Variants in KLK1 observed in about 807,000 individuals in gnomAD.
The protein encoded by KLK1 is kallikrein-1.
Under a neutral mutation model 23.3 loss-of-function variants are expected in KLK1, and 22 were observed. The observed-to-expected ratio is 0.95, with a 90% confidence interval of 0.68 to 1.35. The LOEUF (loss-of-function observed/expected upper bound fraction) is 1.35, where lower values mean the gene tolerates loss of function less well. Ranked by LOEUF, KLK1 falls within the 40% of genes most tolerant of loss-of-function variation. The pLI is 0.00. For missense variants in KLK1, 301 were observed against 338.9 expected, an observed-to-expected ratio of 0.89 and a Z score of 0.88; for synonymous variants, 140 against 135.8, an observed-to-expected ratio of 1.03 and a Z score of -0.21.
chr19:50,823,774 C>G lies in KLK1; in HGVS notation c.-26G>C, dbSNP rs754867682. On this transcript the variant is annotated 5_prime_UTR_variant, in exon 1 of 5. Coordinates refer to ENST00000301420, the MANE Select transcript of KLK1 (RefSeq NM_002257.4). ...GGTGACAGAGGTGTCCAGGGGCCAGCAGGTGGAGGAACTGGGGAACCTCCC... is the reference window on the plus strand; with the variant it reads ...GGTGACAGAGGTGTCCAGGGGCCAGGAGGTGGAGGAACTGGGGAACCTCCC... 11 of 1,603,902 alleles carry G rather than the reference C, an allele frequency of 6.9e-6. No homozygotes were observed. Among genetic ancestry groups the G allele is most frequent in the East Asian group, 6.7e-5 (3 of 44,696 alleles).
intron 1 of KLK1, chr19:50,822,996 C>T (rs772612461): frequency 2.6e-5 from 19 of 730,574 alleles, no homozygotes; most frequent in Admixed American, 6.3e-5. Flanking sequence ...GGGCCTGGGG[C>T]GGGATGGAAC....
intron 1 of KLK1, among the ~76,000 whole-genome samples, chr19:50,823,388 C>G (rs1167591568): frequency 6.6e-6 from 1 of 151,960 alleles, no homozygotes; most frequent in African/African-American, 2.4e-5. Flanking sequence ...ACAGAGATGG[C>G]CCAGAATCTG....
chr19:50,819,477 C>T lies in KLK1; in HGVS notation c.634-128G>A, dbSNP rs1324871947. 5.5e-6 allele frequency: 5 copies of T among 909,334 alleles called. No homozygotes were observed. In the East Asian group the frequency reaches 1.3e-4, roughly 24 times the overall value. 56.3% of individuals were successfully genotyped at this position (909,334 alleles called of 1,614,324 possible). On this transcript the variant is annotated intron_variant, in intron 4 of 4. Transcript: ENST00000301420. ...AGAGGAAGGTGGGCAGGGATTCCCA[C>T]AGAGGGGACAGGGTCTCCAGTCCTG...
Position 50,823,760 on chromosome 19 carries a change from T to C in KLK1, c.-12A>G. Reference sequence around the variant, plus strand: ...ACCAGGAACCACATGGTGACAGAGGTGTCCAGGGGCCAGCAGGTGGAGGAA... The same window carrying C: ...ACCAGGAACCACATGGTGACAGAGGCGTCCAGGGGCCAGCAGGTGGAGGAA... On this transcript the variant is annotated 5_prime_UTR_variant, in exon 1 of 5. Transcript: ENST00000301420. 2.5e-6 allele frequency: 4 copies of C among 1,604,508 alleles called. No individual in the cohort carries two copies. Among genetic ancestry groups the C allele is most frequent in the Non-Finnish European group, 3.4e-6 (4 of 1,174,724 alleles).
intron 1 of KLK1, among the ~76,000 whole-genome samples, chr19:50,823,187 A>T (rs902772738): frequency 2.0e-5 from 3 of 151,990 alleles, no homozygotes; most frequent in African/African-American, 7.3e-5. Flanking sequence ...GACTGGGGAG[A>T]CCAGATGTCA....
chr19:50,822,036 T>C, intron 1 of KLK1, 165 bp from the exon 2 acceptor site: 3 of 1,404,100 alleles, frequency 2.1e-6, no homozygotes, highest in African/African-American at 1.4e-5. Flanking sequence ...GGTGGGACTC[T>C]GGACTGTTCC....
At position 50,823,715 on chromosome 19, in the gene KLK1, G is replaced by C; in HGVS notation, c.34C>G (p.Leu12Val). Residue 12 changes from leucine to valine, a missense_variant, in exon 1 of 5, where the codon CTG (leucine) becomes GTG (valine). Leu to Val is a conservative substitution (Grantham distance 32). Transcript: ENST00000301420. ...CCCACTGTCTCACCAGTCCCCCCCA[G>C]GGACAGGGCGAGGCACAGAACCAGG... ...WFLVLCLALS[L>V]GGTGAAPPIQ... 6.2e-7 allele frequency: 1 copy of C among 1,609,134 alleles called. No homozygotes were observed. The highest frequency in any genetic ancestry group is 8.5e-7 in the Non-Finnish European group (1 of 1,176,392).
intron 1 of KLK1, 69 bp downstream of exon 1, chr19:50,823,634 G>A (rs1056494627): frequency 9.2e-6 from 9 of 983,130 alleles, no homozygotes; most frequent in Middle Eastern, 2.2e-4. Context: ...AGGTCTTATC[G>A]GGGGGGGATG....
Position 50,821,599 on chromosome 19 carries a change from T to C in KLK1, c.206+113A>G. 2.9e-6 allele frequency: 4 copies of C among 1,383,078 alleles called. No individual in the cohort carries two copies. The highest frequency in any genetic ancestry group is 2.9e-5 in the Admixed American group (1 of 34,626). The allele number at this position is 1,383,078 out of a possible 1,614,324, so 85.7% of individuals were successfully genotyped here. A position where few individuals can be genotyped will look rare whatever the true frequency, so the allele number is the denominator to read the frequency against. On this transcript the variant is annotated intron_variant, in intron 2 of 4. Transcript: ENST00000301420. This position sits in a 1 kb window ranked among gnomAD's most constrained non-coding sequence, Gnocchi z 5.6. ...CAGGCGACCTGCGCCAGAGCCTTCC[T>C]CTCTGCCTCAGCCCCCCAGTCTTGC...
At chr19:50,819,690 G>A (rs541390684) in intron 4 of KLK1, among the ~76,000 whole-genome samples, 34 of 152,134 alleles carry the variant, frequency 2.2e-4, no homozygotes, top group Middle Eastern at 6.8e-3. Context: ...ACATTACCAC[G>A]AGGAACGGTG....
At chr19:50,820,935 G>A (rs1366370765) in intron 2 of KLK1, 1 of 151,326 alleles carries the variant, frequency 6.6e-6, no homozygotes, top group Admixed American at 6.6e-5. Context: ...GGAGGCCCTG[G>A]GGGAGGGTGG....
At chr19:50,820,718 A>G in intron 2 of KLK1, 2 of 337,870 alleles carry the variant, frequency 5.9e-6, no homozygotes, top group Non-Finnish European at 1.1e-5. Flanking sequence ...GCAGTGAGAA[A>G]CAGGGTGAGC....
At chr19:50,823,673 T>TC in intron 1 of KLK1, 30 bp downstream of exon 1, 1 of 1,485,198 alleles carries the variant, frequency 6.7e-7, no homozygotes, top group Non-Finnish European at 9.3e-7. Flanking sequence ...CAGGGCCCGT[T>TC]CCCCCTCCCA....
chr19:50,822,004 T>G, intron 1 of KLK1, 133 bp from the exon 2 acceptor site: 1 of 1,440,268 alleles, frequency 6.9e-7, no homozygotes, highest in South Asian at 1.5e-5. Context: ...GTTGGGGACA[T>G]GGGCAAGGGG....
chr19:50,823,771 C>T lies in KLK1; in HGVS notation c.-23G>A. ...CATGGTGACAGAGGTGTCCAGGGGC[C>T]AGCAGGTGGAGGAACTGGGGAACCT... On this transcript the variant is annotated 5_prime_UTR_variant, in exon 1 of 5. Transcript: ENST00000301420. 1 of 1,605,510 alleles carries T rather than the reference C, an allele frequency of 6.2e-7. No individual in the cohort carries two copies. The highest frequency in any genetic ancestry group is 8.5e-7 in the Non-Finnish European group (1 of 1,174,040).
In KLK1 at chr19:50,823,772, A is replaced by G; in HGVS notation, c.-24T>C. 1.2e-6 allele frequency: 2 copies of G among 1,605,242 alleles called. No individual in the cohort carries two copies. Among genetic ancestry groups the G allele is most frequent in the East Asian group, 2.2e-5 (1 of 44,688 alleles). Reference sequence around the variant, plus strand: ...ATGGTGACAGAGGTGTCCAGGGGCCAGCAGGTGGAGGAACTGGGGAACCTC... The same window carrying G: ...ATGGTGACAGAGGTGTCCAGGGGCCGGCAGGTGGAGGAACTGGGGAACCTC... On this transcript the variant is annotated 5_prime_UTR_variant, in exon 1 of 5. Coordinates refer to ENST00000301420, the MANE Select transcript of KLK1 (RefSeq NM_002257.4).
Position 50,819,958 on chromosome 19 carries a change from T to G in KLK1, c.574A>C (p.Lys192Gln). 6.2e-7 allele frequency: 1 copy of G among 1,614,068 alleles called. No individual in the cohort carries two copies. The highest frequency in any genetic ancestry group is 8.5e-7 in the Non-Finnish European group (1 of 1,179,918). ...NDECKKAHVQ[K>Q]VTDFMLCVGH... ...ACACACAGCATGAAGTCTGTCACCT[T>G]CTGGACGTGGGCTTTTTTGCACTCA... Residue 192 changes from lysine (K) to glutamine (Q), a missense_variant, in exon 4 of 5, where the codon AAG (lysine) becomes CAG (glutamine). Transcript: ENST00000301420.
Position 50,820,153 on chromosome 19 carries a change from C to G in KLK1, c.496+1G>C. 1.3e-6 allele frequency: 2 copies of G among 1,599,752 alleles called. No homozygotes were observed. The highest frequency in any genetic ancestry group is 2.2e-5 in the East Asian group (1 of 44,658). On this transcript the variant is annotated splice_donor_variant, in intron 3 of 4. Transcript: ENST00000301420. LOFTEE classifies it high-confidence loss of function. ...GGGCTACACAGTCTGCCCCCACATACAATTCTCTGGTTCGATGCTGCCCCA... is the reference window on the plus strand; with the variant it reads ...GGGCTACACAGTCTGCCCCCACATAGAATTCTCTGGTTCGATGCTGCCCCA...
At position 50,823,711 on chromosome 19, in the gene KLK1, C is replaced by T. The variant is rs755798976; in HGVS notation, c.38G>A (p.Gly13Glu). The change falls in exon 1 of 5, where the codon GGG (glycine) becomes GAG (glutamate). Residue 13 changes from glycine (G) to glutamate (E), a missense_variant. Gly to Glu is a moderately conservative substitution (Grantham distance 98). Coordinates refer to ENST00000301420, the MANE Select transcript of KLK1 (RefSeq NM_002257.4). ...TCCCCCCACTGTCTCACCAGTCCCC[C>T]CCAGGGACAGGGCGAGGCACAGAAC... ...FLVLCLALSL[G>E]GTGAAPPIQS... The T allele has an allele frequency of 1.9e-6, 3 of 1,608,312 alleles. No individual in the cohort carries two copies. The highest frequency in any genetic ancestry group is 3.3e-5 in the Admixed American group (2 of 59,908).
Sources: allele counts gnomAD v4.1 joint callset (sites outside exome capture counted in the v4.1 genomes callset), GRCh38; gene constraint gnomAD v4.1.1; non-coding constraint Gnocchi (gnomAD v3.1); transcripts MANE v1.5; gene names NCBI Gene and HGNC (gene_info 2026-07-23, HGNC 2026-07-21).